DCC: variants seen among roughly 807,000 people sequenced by gnomAD.
The protein encoded by DCC is DCC netrin 1 receptor, also known as netrin receptor DCC.
Under a neutral mutation model 172.5 loss-of-function variants are expected in DCC, and 58 were observed. That is an observed-to-expected ratio of 0.34 (90% CI 0.27 to 0.42). The LOEUF (loss-of-function observed/expected upper bound fraction) is 0.42. Among genes scored for constraint, DCC ranks in the 10% least tolerant of loss-of-function variants. The pLI is 1.00. For synonymous variants in DCC, 709 were observed against 644.5 expected (o/e 1.10, Z -1.52); for missense variants, 1,740 against 1,791.0 (o/e 0.97, Z 0.51).
intron 2 of DCC, among the ~76,000 whole-genome samples, chr18:52,806,678 C>G (rs2038091118): frequency 6.6e-6 from 1 of 152,116 alleles, no homozygotes; most frequent in Non-Finnish European, 1.5e-5. Flanking sequence ...TTCTTGTAAC[C>G]AATTGCCACC....
In DCC at chr18:53,116,712, ACTT is replaced by A. The variant is rs747711933; in HGVS notation, c.1262-40638_1262-40636del. On this transcript the variant is annotated intron_variant, in intron 7 of 28. Transcript: ENST00000442544. Reference sequence around the variant, plus strand: ...CTTTAAATCCAGTTCAATATCATACACTTCTTCTACTTCATTCTTTGTAAAAAT... The same window carrying A: ...CTTTAAATCCAGTTCAATATCATACACTTCTACTTCATTCTTTGTAAAAAT... Among the ~76,000 whole-genome samples, 126 of 151,764 alleles carry A rather than the reference ACTT, an allele frequency of 8.3e-4. 1 individual carries two copies. Among genetic ancestry groups the A allele is most frequent in the Admixed American group, 9.9e-4 (15 of 15,186 alleles).
intron 7 of DCC, among the ~76,000 whole-genome samples, chr18:53,098,673 G>T (rs2043121051): frequency 6.6e-6 from 1 of 152,092 alleles, no homozygotes; most frequent in African/African-American, 2.4e-5. Context: ...TATGGTTACT[G>T]CCAGATTTCC....
chr18:52,928,052 T>C (rs754473926), intron 5 of DCC, among the ~76,000 whole-genome samples: 31 of 152,112 alleles, frequency 2.0e-4, no homozygotes, highest in Non-Finnish European at 3.5e-4. Context: ...AAAGAAAATA[T>C]GGTAAATATA....
At chr18:52,892,705 AT>A (rs2039668337) in intron 2 of DCC, among the ~76,000 whole-genome samples, 1 of 152,160 alleles carries the variant, frequency 6.6e-6, no homozygotes, top group South Asian at 2.1e-4. Flanking sequence ...GTTATCAAAA[AT>A]TTGGTAATTC....
chr18:53,392,125 CA>C (rs2145010303), intron 17 of DCC, among the ~76,000 whole-genome samples: 1 of 152,124 alleles, frequency 6.6e-6, no homozygotes, highest in East Asian at 1.9e-4. Flanking sequence ...TGCTTTTCAC[CA>C]GATGCTGAGT....
At chr18:52,504,373 A>G (rs1373361359) in intron 1 of DCC, among the ~76,000 whole-genome samples, 2 of 152,126 alleles carry the variant, frequency 1.3e-5, no homozygotes, top group African/African-American at 2.4e-5. Context: ...ACTGGTAACT[A>G]GTGACTGGCT....
At chr18:53,090,242 A>G (rs1222731583) in intron 7 of DCC, among the ~76,000 whole-genome samples, 1 of 152,210 alleles carries the variant, frequency 6.6e-6, no homozygotes, top group Non-Finnish European at 1.5e-5. Flanking sequence ...TTTAAAGGCA[A>G]ATAGTTATCT....
chr18:52,579,524 A>G (rs1019969816), intron 1 of DCC, among the ~76,000 whole-genome samples: 1 of 152,088 alleles, frequency 6.6e-6, no homozygotes, highest in Non-Finnish European at 1.5e-5. Context: ...TGTAGTTTAT[A>G]AGTGTGTGTG....
At chr18:52,642,142 T>TA (rs1379817243) in intron 1 of DCC, among the ~76,000 whole-genome samples, 1 of 149,900 alleles carries the variant, frequency 6.7e-6, no homozygotes, top group African/African-American at 2.5e-5. Flanking sequence ...TATGCAGCCA[T>TA]AAAAAGGAAT....
At chr18:53,391,597 T>G in intron 16 of DCC, 58 bp from the exon 17 acceptor site, 3 of 1,135,298 alleles carry the variant, frequency 2.6e-6, no homozygotes, top group Non-Finnish European at 4.0e-6. Context: ...ATTTATTTTT[T>G]AACGCTTTTA....
intron 15 of DCC, among the ~76,000 whole-genome samples, chr18:53,382,044 T>C (rs1219575648): frequency 6.9e-6 from 1 of 144,230 alleles, no homozygotes; most frequent in African/African-American, 2.5e-5. Context: ...CCGTTTTTCT[T>C]TTCTCTCTCT....
intron 7 of DCC, among the ~76,000 whole-genome samples, chr18:53,136,902 C>T (rs558288882): frequency 5.9e-5 from 9 of 152,216 alleles, no homozygotes; most frequent in African/African-American, 2.2e-4. Context: ...CTTCATATTT[C>T]TCAGAATATA....
intron 7 of DCC, among the ~76,000 whole-genome samples, chr18:53,153,269 G>C (rs776662308): frequency 1.3e-5 from 2 of 152,010 alleles, no homozygotes; most frequent in African/African-American, 4.8e-5. Flanking sequence ...TTAATAACTG[G>C]TAAGTTATAG....
At chr18:53,057,999 C>T (rs1213195523) in intron 5 of DCC, among the ~76,000 whole-genome samples, 1 of 151,698 alleles carries the variant, frequency 6.6e-6, no homozygotes, top group Non-Finnish European at 1.5e-5. Context: ...CTTCATGGAA[C>T]GTTATGGAAA....
intron 1 of DCC, among the ~76,000 whole-genome samples, chr18:52,529,892 C>A (rs963531612): frequency 6.6e-6 from 1 of 152,160 alleles, no homozygotes; most frequent in Non-Finnish European, 1.5e-5. Flanking sequence ...GCATCTACTT[C>A]CTTTAACCCA....
At chr18:52,620,295 C>T (rs1030187449) in intron 1 of DCC, among the ~76,000 whole-genome samples, 1 of 152,158 alleles carries the variant, frequency 6.6e-6, no homozygotes. Flanking sequence ...CTATTAATTG[C>T]AGGAGGCAGG....
At chr18:52,739,886 T>G (rs906406793) in intron 1 of DCC, among the ~76,000 whole-genome samples, 2 of 152,194 alleles carry the variant, frequency 1.3e-5, no homozygotes, top group Admixed American at 1.3e-4. Context: ...CTTTCTTTTT[T>G]GAACAACCCA....
chr18:53,145,360 G>A (rs903624215), intron 7 of DCC, among the ~76,000 whole-genome samples: 3 of 151,998 alleles, frequency 2.0e-5, no homozygotes, highest in Non-Finnish European at 4.4e-5. Flanking sequence ...TGATCCGCCC[G>A]CCTCGGCCTC....
At chr18:52,700,357 GCACACACA>G (rs60840549) in intron 1 of DCC, among the ~76,000 whole-genome samples, 1 of 143,752 alleles carries the variant, frequency 7.0e-6, no homozygotes, top group Non-Finnish European at 1.5e-5. Context: ...TCACTCACAT[GCACACACA>G]CACATGCACA....
Sources: gnomAD v4.1 joint callset for allele counts (sites outside exome capture counted in the v4.1 genomes callset) on GRCh38, gnomAD v4.1.1 for gene constraint, MANE v1.5 for transcripts, NCBI Gene and HGNC (gene_info 2026-07-23, HGNC 2026-07-21) for gene names.